The following GRIP1 variants were observed in gnomAD, a reference collection of about 807,000 sequenced individuals.
GRIP1 encodes glutamate receptor-interacting protein 1.
GRIP1 carries 45 observed loss-of-function variants against 129.9 expected under a neutral mutation model. The ratio of observed to expected loss-of-function variants is 0.35; its 90% CI spans 0.27 to 0.44. The LOEUF (loss-of-function observed/expected upper bound fraction) is 0.44. Among genes scored for constraint, GRIP1 ranks in the 20% least tolerant of loss-of-function variants. The pLI, the probability that GRIP1 is intolerant of heterozygous loss-of-function variation, is 1.00. For synonymous variants in GRIP1, 530 were observed against 520.8 expected (o/e 1.02, Z -0.24); for missense variants, 1,196 against 1,396.8 (o/e 0.86, Z 2.29).
Position 66,825,521 on chromosome 12 carries a change from C to A in GRIP1, c.59-228594G>T, listed in dbSNP as rs1377867274. On this transcript the variant is annotated intron_variant, in intron 1 of 1. Coordinates refer to the GRIP1 transcript ENST00000643019. ...TCACTTTGGGTGCCATCCTACTTTGCCCAATGACTATATCTGAGACTTCAG... is the reference window on the plus strand; with the variant it reads ...TCACTTTGGGTGCCATCCTACTTTGACCAATGACTATATCTGAGACTTCAG... Among the ~76,000 whole-genome samples, 3 of 152,258 alleles carry A rather than the reference C, an allele frequency of 2.0e-5. No homozygotes were observed. The Middle Eastern group carries it at 0.01, about 518-fold the overall frequency.
At chr12:66,980,573 T>C (rs2042229479) in intron 1 of GRIP1, among the ~76,000 whole-genome samples, 1 of 152,208 alleles carries the variant, frequency 6.6e-6, no homozygotes, top group Non-Finnish European at 1.5e-5. Flanking sequence ...GTCACACCAC[T>C]GCACTTCAGC....
chr12:66,533,875 A>T (rs1385568309), intron 4 of GRIP1, among the ~76,000 whole-genome samples: 14 of 139,972 alleles, frequency 1.0e-4, no homozygotes, highest in East Asian at 7.9e-4. Context: ...ACACACACAC[A>T]CACATACACA....
At chr12:66,458,719 AG>A (rs1365331203) in intron 9 of GRIP1, among the ~76,000 whole-genome samples, 15 of 152,236 alleles carry the variant, frequency 9.9e-5, no homozygotes, top group African/African-American at 3.6e-4. Flanking sequence ...AATCAAAGGC[AG>A]CCCCTGCCTA....
At chr12:66,653,079 G>A (rs759451141) in intron 1 of GRIP1, among the ~76,000 whole-genome samples, 26 of 152,302 alleles carry the variant, frequency 1.7e-4, no homozygotes, top group African/African-American at 5.8e-4. Flanking sequence ...AGTCATGGTT[G>A]TTCCAGGTGT....
chr12:66,477,692 T>G (rs1173627262), intron 7 of GRIP1, among the ~76,000 whole-genome samples: 1 of 152,144 alleles, frequency 6.6e-6, no homozygotes, highest in Non-Finnish European at 1.5e-5. Flanking sequence ...TATAGGCTAA[T>G]GGAACAGAAT....
rs1446421130 is a variant in GRIP1, at chr12:66,379,522, A to AG, written c.2465-87_2465-86insC. The AG allele has an allele frequency of 4.2e-5, 54 of 1,301,060 alleles. No homozygotes were observed. In the African/African-American group the frequency reaches 7.4e-4, roughly 18 times the overall value. The allele number at this position is 1,301,060 out of a possible 1,614,324, so 80.6% of individuals were successfully genotyped here. On this transcript the variant is annotated intron_variant, in intron 19 of 24. Transcript: ENST00000359742. Reference sequence around the variant, plus strand: ...ACATTGTTAACCAGTAGAGGAGTCAAATTATAACGGCAATGACAATAACAA... The same window carrying AG: ...ACATTGTTAACCAGTAGAGGAGTCAAGATTATAACGGCAATGACAATAACAA...
At chr12:66,407,421 C>A (rs2057233801) in intron 15 of GRIP1, 1 of 152,182 alleles carries the variant, frequency 6.6e-6, no homozygotes, top group Non-Finnish European at 1.5e-5. Context: ...AACTTCATAT[C>A]ATTGAAAGAG....
intron 1 of GRIP1, among the ~76,000 whole-genome samples, chr12:67,055,434 C>T (rs2043419316): frequency 6.9e-6 from 1 of 145,834 alleles, no homozygotes; most frequent in Non-Finnish European, 1.5e-5. Context: ...ATTTCTTCTA[C>T]TTTCTAAGTG....
chr12:66,677,317 T>G (rs1254093637), intron 1 of GRIP1, among the ~76,000 whole-genome samples: 2 of 152,188 alleles, frequency 1.3e-5, no homozygotes, highest in Non-Finnish European at 2.9e-5. Flanking sequence ...CTTCCTTGTA[T>G]GTAGTACTTA....
chr12:66,643,708 T>A (rs2136102653), intron 1 of GRIP1, among the ~76,000 whole-genome samples: 1 of 152,156 alleles, frequency 6.6e-6, no homozygotes, highest in Non-Finnish European at 1.5e-5. Flanking sequence ...GGATTACAAG[T>A]GTGCACCACC....
intron 16 of GRIP1, among the ~76,000 whole-genome samples, chr12:66,398,779 A>C (rs1248982294): frequency 6.6e-6 from 1 of 152,020 alleles, no homozygotes. Context: ...TTATAATATA[A>C]TATCCAAGCT....
chr12:66,686,385 C>T (rs1339831859), intron 1 of GRIP1, among the ~76,000 whole-genome samples: 1 of 152,206 alleles, frequency 6.6e-6, no homozygotes, highest in African/African-American at 2.4e-5. Flanking sequence ...ATACCAAATA[C>T]ACATTCATCC....
intron 1 of GRIP1, among the ~76,000 whole-genome samples, chr12:66,914,683 C>T (rs2041089921): frequency 6.6e-6 from 1 of 152,150 alleles, no homozygotes; most frequent in South Asian, 2.1e-4. Flanking sequence ...TTTGGCGTTT[C>T]TCTGGTGAGG....
chr12:66,722,037 A>ACTGC (rs2136449403), intron 1 of GRIP1, among the ~76,000 whole-genome samples: 1 of 152,310 alleles, frequency 6.6e-6, no homozygotes, highest in South Asian at 2.1e-4. Context: ...CCAAACCATT[A>ACTGC]AAACTTTCTC....
intron 1 of GRIP1, among the ~76,000 whole-genome samples, chr12:66,723,210 C>CTTTTCT (rs150227863): frequency 1.2e-4 from 6 of 49,822 alleles, no homozygotes; most frequent in African/African-American, 6.4e-4. Flanking sequence ...TCTTTTCTTT[C>CTTTTCT]TTTCTTTCTT....
intron 1 of GRIP1, among the ~76,000 whole-genome samples, chr12:66,702,667 C>A (rs754162825): frequency 6.6e-6 from 1 of 152,186 alleles, no homozygotes; most frequent in South Asian, 2.1e-4. Flanking sequence ...AAAAAAGAGA[C>A]ACAATGCAAT....
rs71069016 is a variant in GRIP1 at position 66,714,886 on chromosome 12, C to CCCATCCATCCAT, written c.-419-84562_-419-84551dup. On this transcript the variant is annotated intron_variant, in intron 1 of 4. Transcript: ENST00000538373. Reference sequence around the variant, plus strand: ...CTCACCCATCTATCCATTCAATCCACCCATCCATCCATCCATCCATCCATC... The same window carrying CCCATCCATCCAT: ...CTCACCCATCTATCCATTCAATCCACCCATCCATCCATCCATCCATCCATCCATCCATCCATC... Among the ~76,000 whole-genome samples the CCCATCCATCCAT allele has an allele frequency of 2.7e-5, 4 of 147,692 alleles. No homozygotes were observed. In the South Asian group the frequency reaches 6.5e-4, roughly 24 times the overall value.
At chr12:66,611,815 G>C (rs2064808894) in intron 1 of GRIP1, among the ~76,000 whole-genome samples, 2 of 151,866 alleles carry the variant, frequency 1.3e-5, no homozygotes, top group South Asian at 4.1e-4. Context: ...TTATACAACA[G>C]AGTGCATATA....
chr12:66,351,556 G>GTTTTTTTTTTT (rs72111092), intron 24 of GRIP1, among the ~76,000 whole-genome samples: 1 of 49,424 alleles, frequency 2.0e-5, no homozygotes, highest in African/African-American at 5.7e-5. Flanking sequence ...CAGGAAGGTG[G>GTTTTTTTTTTT]TTTTTTTTTT....
Sources: gnomAD v4.1 joint callset for allele counts (sites outside exome capture counted in the v4.1 genomes callset) on GRCh38, gnomAD v4.1.1 for gene constraint, MANE v1.5 for transcripts, NCBI Gene and HGNC (gene_info 2026-07-23, HGNC 2026-07-21) for gene names.